Variants in NCAM2 observed in about 807,000 individuals in gnomAD.
NCAM2 encodes the protein N-CAM-2.
Under a neutral mutation model 98.1 loss-of-function variants are expected in NCAM2, and 30 were observed. The observed-to-expected ratio is 0.31, with a 90% CI of 0.23 to 0.41. The LOEUF is 0.41. NCAM2 is among the 10% of genes least tolerant of loss of function. The probability of loss-of-function intolerance (pLI) is 1.00; values close to 1 mark genes in which losing one functional copy is unlikely to be tolerated. For synonymous variants in NCAM2, 368 were observed against 342.4 expected, an observed-to-expected ratio of 1.07 and a Z score of -0.83; for missense variants, 867 against 1,005.8, an observed-to-expected ratio of 0.86 and a Z score of 1.87.
chr21:21,051,124 G>A (rs1399100687), intron 1 of NCAM2, among the ~76,000 whole-genome samples: 1 of 152,160 alleles, frequency 6.6e-6, no homozygotes, highest in Non-Finnish European at 1.5e-5. Flanking sequence ...TTCAAGAATT[G>A]CTTTAGCTCT....
At position 21,100,254 on chromosome 21, in the gene NCAM2, A is replaced by G. The variant is rs148483517; in HGVS notation, c.55+101636A>G. ...AAAAAGAGAAGCCCCAAAGAAATCT[A>G]TGCATGAGGTTAAAGAGATTATATC... On this transcript the variant is annotated intron_variant, in intron 1 of 17. Coordinates refer to ENST00000400546, the MANE Select transcript of NCAM2 (RefSeq NM_004540.5). 2.2e-4 allele frequency among the ~76,000 whole-genome samples: 33 copies of G among 152,076 alleles called. No individual in the cohort carries two copies. In the East Asian group the frequency reaches 6.0e-3, roughly 28 times the overall value.
intron 15 of NCAM2, among the ~76,000 whole-genome samples, chr21:21,482,447 G>C (rs1985975391): frequency 6.6e-6 from 1 of 152,030 alleles, no homozygotes; most frequent in Admixed American, 6.6e-5. Flanking sequence ...AGAAGATATA[G>C]AGTTTAAAGG....
At chr21:21,500,729 A>G (rs916965309) in intron 15 of NCAM2, among the ~76,000 whole-genome samples, 2 of 152,152 alleles carry the variant, frequency 1.3e-5, no homozygotes, top group African/African-American at 4.8e-5. Flanking sequence ...AAGTCCAAAC[A>G]TGAATCTTAA....
chr21:21,428,731 G>A (rs1201158449), intron 11 of NCAM2, among the ~76,000 whole-genome samples: 1 of 152,148 alleles, frequency 6.6e-6, no homozygotes, highest in Non-Finnish European at 1.5e-5. Context: ...CAAGGGTGAA[G>A]ACAATTACAG....
At chr21:21,187,725 A>G (rs867285447) in intron 1 of NCAM2, among the ~76,000 whole-genome samples, 18 of 152,190 alleles carry the variant, frequency 1.2e-4, no homozygotes, top group African/African-American at 4.3e-4. Flanking sequence ...TGAGGATTAC[A>G]CCATCCCAGT....
At chr21:20,999,330 A>G (rs2063976725) in intron 1 of NCAM2, among the ~76,000 whole-genome samples, 1 of 151,566 alleles carries the variant, frequency 6.6e-6, no homozygotes, top group Non-Finnish European at 1.5e-5. Flanking sequence ...TTGTGGGAGA[A>G]CTGGTGGAAG....
At chr21:21,040,085 T>C (rs958867451) in intron 1 of NCAM2, among the ~76,000 whole-genome samples, 4 of 152,182 alleles carry the variant, frequency 2.6e-5, no homozygotes, top group African/African-American at 9.7e-5. Context: ...ATTTCTGTCA[T>C]ACCACAACGT....
intron 1 of NCAM2, among the ~76,000 whole-genome samples, chr21:21,066,566 A>G (rs1203545112): frequency 2.0e-5 from 3 of 152,162 alleles, no homozygotes; most frequent in Non-Finnish European, 4.4e-5. Flanking sequence ...TTGACATGCT[A>G]CTATTGATGC....
chr21:21,367,011 A>C (rs1179979877), intron 8 of NCAM2, among the ~76,000 whole-genome samples: 1 of 152,050 alleles, frequency 6.6e-6, no homozygotes, highest in Non-Finnish European at 1.5e-5. Context: ...TGGTTTAATA[A>C]CATGGTATCG....
At chr21:21,296,288 A>G (rs1237693321) in intron 5 of NCAM2, among the ~76,000 whole-genome samples, 1 of 151,856 alleles carries the variant, frequency 6.6e-6, no homozygotes, top group Non-Finnish European at 1.5e-5. Context: ...ATGGAAACCC[A>G]ATGCAGCTGA....
chr21:21,007,991 G>T (rs950052266), intron 1 of NCAM2, among the ~76,000 whole-genome samples: 4 of 151,972 alleles, frequency 2.6e-5, no homozygotes, highest in African/African-American at 9.7e-5. Flanking sequence ...ATTTTTCTCT[G>T]ATTATCATTC....
At chr21:21,464,495 C>A (rs890741730) in intron 12 of NCAM2, among the ~76,000 whole-genome samples, 1 of 152,002 alleles carries the variant, frequency 6.6e-6, no homozygotes, top group Non-Finnish European at 1.5e-5. Flanking sequence ...AGTTCAAGAC[C>A]AGCCTGAGCA....
intron 1 of NCAM2, among the ~76,000 whole-genome samples, chr21:21,197,900 A>G (rs954229054): frequency 2.0e-5 from 3 of 152,180 alleles, no homozygotes; most frequent in African/African-American, 7.2e-5. Flanking sequence ...ACAGCATTGC[A>G]CCTTTGGTGA....
Position 21,482,635 on chromosome 21 carries a change from G to A in NCAM2, c.2077+5164G>A, listed in dbSNP as rs1007111427. ...TGTTGGACTAAAGCACTATTTTTTCGTTTTTTATCAACCTACTCCCTTTAC... is the reference window on the plus strand; with the variant it reads ...TGTTGGACTAAAGCACTATTTTTTCATTTTTTATCAACCTACTCCCTTTAC... On this transcript the variant is annotated intron_variant, in intron 15 of 17. Transcript: ENST00000400546. Among the ~76,000 whole-genome samples, 6 of 151,592 alleles carry A rather than the reference G, an allele frequency of 4.0e-5. No homozygotes were observed. The East Asian group carries it at 5.8e-4, about 15-fold the overall frequency.
intron 4 of NCAM2, among the ~76,000 whole-genome samples, chr21:21,290,603 G>A (rs2073255476): frequency 6.6e-6 from 1 of 151,876 alleles, no homozygotes; most frequent in Non-Finnish European, 1.5e-5. Flanking sequence ...TTATGGAAAA[G>A]TTTACACCTC....
In NCAM2 at chr21:21,233,458, G is replaced by A. The variant is rs1231133014; in HGVS notation, c.56-47120G>A. Among the ~76,000 whole-genome samples, 4 of 151,420 alleles carry A rather than the reference G, an allele frequency of 2.6e-5. No homozygotes were observed. The East Asian group carries it at 7.7e-4, about 29-fold the overall frequency. On this transcript the variant is annotated intron_variant, in intron 1 of 17. Transcript: ENST00000400546. ...TTCTTAACTCCTTAGAAGCAATAGA[G>A]TATTTTTAATTTGACATGCCATTTT...
Position 21,335,461 on chromosome 21 carries a change from A to G in NCAM2, c.738-44A>G, listed in dbSNP as rs73322742. ...AAAGTTGATTAAAATCTACTAAATT[A>G]TAAAGCCAGATCTGTGAGGATGAAC... On this transcript the variant is annotated intron_variant, in intron 6 of 17. Coordinates refer to ENST00000400546, the MANE Select transcript of NCAM2 (RefSeq NM_004540.5). The G allele has an allele frequency of 4.6e-3, 6,980 of 1,505,234 alleles. 288 individuals carry two copies. In the African/African-American group the frequency reaches 0.089, roughly 19 times the overall value. The allele number at this position is 1,505,234 out of a possible 1,614,324, so 93.2% of individuals were successfully genotyped here. A position where few individuals can be genotyped will look rare whatever the true frequency, so the allele number is the denominator to read the frequency against.
chr21:21,087,249 C>T (rs932023452), intron 1 of NCAM2, among the ~76,000 whole-genome samples: 1 of 152,090 alleles, frequency 6.6e-6, no homozygotes, highest in Non-Finnish European at 1.5e-5. Context: ...CTTTGGATTT[C>T]GTCTGTTGTC....
chr21:21,146,027 C>G (rs1321428500), intron 1 of NCAM2, among the ~76,000 whole-genome samples: 1 of 152,092 alleles, frequency 6.6e-6, no homozygotes, highest in African/African-American at 2.4e-5. Flanking sequence ...GAAACTTTTG[C>G]AACAGAGAAA....
Sources: gnomAD v4.1 joint callset for allele counts (sites outside exome capture counted in the v4.1 genomes callset) on GRCh38, gnomAD v4.1.1 for gene constraint, MANE v1.5 for transcripts, NCBI Gene and HGNC (gene_info 2026-07-23, HGNC 2026-07-21) for gene names.